CDH18: variants seen among roughly 807,000 people sequenced by gnomAD.
The protein encoded by CDH18 is cadherin 18.
Under a neutral mutation model 67.9 loss-of-function variants are expected in CDH18, and 31 were observed. The observed-to-expected ratio is 0.46, with a 90% CI of 0.34 to 0.62. The LOEUF is 0.62. Among genes scored for constraint, CDH18 ranks in the 20% least tolerant of loss-of-function variants. The pLI, the probability that CDH18 is intolerant of heterozygous loss-of-function variation, is 0.01. For synonymous variants in CDH18, 362 were observed against 347.2 expected, an observed-to-expected ratio of 1.04 and a Z score of -0.48; for missense variants, 890 against 975.5, an observed-to-expected ratio of 0.91 and a Z score of 1.17.
At chr5:20,489,473 T>C (rs1369015110) in intron 1 of CDH18, among the ~76,000 whole-genome samples, 1 of 152,100 alleles carries the variant, frequency 6.6e-6, no homozygotes, top group Non-Finnish European at 1.5e-5. Flanking sequence ...GATAATTATA[T>C]CCTTCATACT....
chr5:19,869,506 T>TGC, intron 2 of CDH18, among the ~76,000 whole-genome samples: 1 of 152,118 alleles, frequency 6.6e-6, no homozygotes. Context: ...TGGTTTTTAT[T>TGC]TTCTCTATCA....
intron 9 of CDH18, among the ~76,000 whole-genome samples, chr5:19,539,435 T>A (rs1279261155): frequency 2.6e-5 from 4 of 152,220 alleles, no homozygotes; most frequent in African/African-American, 9.6e-5. Flanking sequence ...CATGAATGCA[T>A]GAACTCATAT....
At chr5:19,713,524 T>C (rs883067) in intron 5 of CDH18, among the ~76,000 whole-genome samples, 31,878 of 152,070 alleles carry the variant, frequency 0.21, 3,841 homozygotes, top group Non-Finnish European at 0.26. Flanking sequence ...TGATCTATAA[T>C]TGCATTTTGT....
At chr5:20,318,082 A>G (rs1402166088) in intron 1 of CDH18, among the ~76,000 whole-genome samples, 2 of 152,132 alleles carry the variant, frequency 1.3e-5, no homozygotes, top group Non-Finnish European at 2.9e-5. Context: ...TGGAGGTGCT[A>G]TTATGTTTTG....
intron 2 of CDH18, among the ~76,000 whole-genome samples, chr5:20,049,535 T>A (rs1403553684): frequency 2.6e-5 from 4 of 151,642 alleles, no homozygotes; most frequent in African/African-American, 9.7e-5. Flanking sequence ...CAAGAAACAC[T>A]ACAATATAGC....
chr5:20,256,801 T>C (rs1370275503), intron 1 of CDH18, among the ~76,000 whole-genome samples: 1 of 151,960 alleles, frequency 6.6e-6, no homozygotes, highest in Non-Finnish European at 1.5e-5. Flanking sequence ...TAGCTAGGAA[T>C]GAAATTTAAG....
intron 2 of CDH18, among the ~76,000 whole-genome samples, chr5:20,112,727 AT>A (rs746391608): frequency 1.4e-4 from 21 of 152,154 alleles, no homozygotes; most frequent in African/African-American, 2.2e-4. Context: ...AATAAAAAAA[AT>A]AAAATAAAAT....
chr5:19,901,649 T>C (rs1008384167), intron 2 of CDH18, among the ~76,000 whole-genome samples: 2 of 152,070 alleles, frequency 1.3e-5, no homozygotes, highest in Non-Finnish European at 2.9e-5. Context: ...AAAATATCTA[T>C]GAACCATAAA....
chr5:19,820,010 G>A (rs919533244), intron 3 of CDH18, among the ~76,000 whole-genome samples: 13 of 152,142 alleles, frequency 8.5e-5, no homozygotes, highest in Non-Finnish European at 1.8e-4. Context: ...AGAGGACAAA[G>A]CTTTCAAAGC....
chr5:19,607,104 A>G (rs1748180052), intron 6 of CDH18, among the ~76,000 whole-genome samples: 1 of 151,684 alleles, frequency 6.6e-6, no homozygotes, highest in Admixed American at 6.6e-5. Flanking sequence ...GCAAAATTGT[A>G]AATTTATATA....
At chr5:19,847,261 G>A (rs974825628) in intron 2 of CDH18, among the ~76,000 whole-genome samples, 5 of 151,890 alleles carry the variant, frequency 3.3e-5, no homozygotes, top group Non-Finnish European at 7.4e-5. Context: ...ATCTCACAAT[G>A]TGCATACTGA....
At chr5:19,566,034 C>A (rs1205197212) in intron 8 of CDH18, among the ~76,000 whole-genome samples, 3 of 151,788 alleles carry the variant, frequency 2.0e-5, no homozygotes, top group African/African-American at 4.8e-5. Context: ...AAAAAAAAAT[C>A]TAATAATCTG....
chr5:19,758,934 G>T (rs947140383), intron 3 of CDH18, among the ~76,000 whole-genome samples: 10 of 152,230 alleles, frequency 6.6e-5, no homozygotes. Flanking sequence ...AGCGAAAAGC[G>T]ATCAAAGTCT....
At position 19,894,734 on chromosome 5, in the gene CDH18, T is replaced by C. The variant is rs79888477; in HGVS notation, c.-256-55492A>G. ...CTTCATAGCTGTTTGTACAAGCATT[T>C]GGGGCTAGAAAGTCAGTAACATTTG... On this transcript the variant is annotated intron_variant, in intron 2 of 12. Coordinates refer to ENST00000382275, the MANE Select transcript of CDH18 (RefSeq NM_004934.5). Among the ~76,000 whole-genome samples the C allele has an allele frequency of 1.2e-4, 18 of 152,266 alleles. No individual in the cohort carries two copies. In the East Asian group the frequency reaches 2.9e-3, roughly 25 times the overall value.
intron 1 of CDH18, among the ~76,000 whole-genome samples, chr5:20,479,907 T>TA (rs1231055113): frequency 1.3e-5 from 2 of 152,052 alleles, no homozygotes; most frequent in African/African-American, 4.8e-5. Flanking sequence ...AGAAAAAACA[T>TA]ACAAAGAAGA....
intron 2 of CDH18, among the ~76,000 whole-genome samples, chr5:20,219,617 A>G (rs1741064590): frequency 6.6e-6 from 1 of 152,066 alleles, no homozygotes; most frequent in Admixed American, 6.6e-5. Context: ...CAAACACATT[A>G]AAAAGATCAT....
intron 6 of CDH18, among the ~76,000 whole-genome samples, chr5:19,610,630 C>A (rs542183887): frequency 9.6e-4 from 146 of 152,126 alleles, no homozygotes; most frequent in African/African-American, 3.1e-3. Flanking sequence ...GTGGTAGAAT[C>A]TATTTGAAAA....
chr5:19,541,515 C>T (rs142553289), intron 9 of CDH18, among the ~76,000 whole-genome samples: 15,360 of 152,066 alleles, frequency 0.1, 1,038 homozygotes, highest in Non-Finnish European at 0.13. Context: ...AAGACATACC[C>T]GAGACTGGGT....
At chr5:19,944,403 A>C (rs1795104190) in intron 2 of CDH18, among the ~76,000 whole-genome samples, 1 of 152,138 alleles carries the variant, frequency 6.6e-6, no homozygotes, top group African/African-American at 2.4e-5. Flanking sequence ...TGTGTATATA[A>C]TTTATTAAAT....
Sources: gnomAD v4.1 joint callset for allele counts (sites outside exome capture counted in the v4.1 genomes callset) on GRCh38, gnomAD v4.1.1 for gene constraint, MANE v1.5 for transcripts, NCBI Gene and HGNC (gene_info 2026-07-23, HGNC 2026-07-21) for gene names.